DCLK1: variants seen among roughly 807,000 people sequenced by gnomAD.
The protein encoded by DCLK1 is doublecortin like kinase 1, also known as serine/threonine-protein kinase DCLK1.
DCLK1 carries 16 observed loss-of-function variants against 86.2 expected under a neutral mutation model. The observed-to-expected ratio is 0.19, with a 90% CI of 0.13 to 0.28. DCLK1 has a LOEUF of 0.28. Ranked by LOEUF, DCLK1 falls within the 10% of genes least tolerant of loss-of-function variation. The probability of loss-of-function intolerance (pLI) is 1.00; values close to 1 mark genes in which losing one functional copy is unlikely to be tolerated. For missense variants in DCLK1, 590 were observed against 940.2 expected, an observed-to-expected ratio of 0.63 and a Z score of 4.87; for synonymous variants, 369 against 370.5, an observed-to-expected ratio of 1.00 and a Z score of 0.05.
At chr13:35,986,842 G>A (rs979288821) in intron 3 of DCLK1, among the ~76,000 whole-genome samples, 12 of 152,070 alleles carry the variant, frequency 7.9e-5, no homozygotes, top group African/African-American at 2.4e-4. Flanking sequence ...GTGATGATGC[G>A]CGCAATGGGT....
intron 16 of DCLK1, among the ~76,000 whole-genome samples, chr13:35,780,659 T>C (rs2086509331): frequency 6.6e-6 from 1 of 152,140 alleles, no homozygotes; most frequent in African/African-American, 2.4e-5. Flanking sequence ...TATAGAGAAA[T>C]GGACTAATAT....
chr13:35,895,810 G>A (rs937910340), intron 4 of DCLK1, among the ~76,000 whole-genome samples: 1 of 151,300 alleles, frequency 6.6e-6, no homozygotes, highest in Non-Finnish European at 1.5e-5. Context: ...CGCTCTTTTA[G>A]TATAATGAAT....
At chr13:36,032,318 T>C (rs1399566449) in intron 3 of DCLK1, among the ~76,000 whole-genome samples, 2 of 152,034 alleles carry the variant, frequency 1.3e-5, no homozygotes, top group Non-Finnish European at 2.9e-5. Flanking sequence ...ATTTTTTGTA[T>C]TTTTAGTAGA....
At chr13:35,790,276 G>A (rs906339149) in intron 16 of DCLK1, among the ~76,000 whole-genome samples, 8 of 152,086 alleles carry the variant, frequency 5.3e-5, no homozygotes, top group Non-Finnish European at 8.8e-5. Context: ...AGAGGCTGCC[G>A]GTTATGACAG....
At chr13:36,071,520 T>C (rs1432520310) in intron 3 of DCLK1, among the ~76,000 whole-genome samples, 3 of 152,210 alleles carry the variant, frequency 2.0e-5, no homozygotes, top group African/African-American at 4.8e-5. Context: ...ACATTCTTTC[T>C]ACTATGCTAT....
intron 3 of DCLK1, among the ~76,000 whole-genome samples, chr13:35,961,478 T>C (rs2153137349): frequency 6.6e-6 from 1 of 152,340 alleles, no homozygotes; most frequent in Non-Finnish European, 1.5e-5. Flanking sequence ...CAAACTGCAA[T>C]CAACATTGAC....
intron 3 of DCLK1, among the ~76,000 whole-genome samples, chr13:36,019,346 C>T (rs1881671954): frequency 6.6e-6 from 1 of 152,136 alleles, no homozygotes; most frequent in South Asian, 2.1e-4. Context: ...AGCTTTGGAC[C>T]TTTCTACTGA....
intron 3 of DCLK1, among the ~76,000 whole-genome samples, chr13:36,000,257 T>A (rs10459360): frequency 0.035 from 5,356 of 152,244 alleles, 224 homozygotes; most frequent in East Asian, 0.22. Flanking sequence ...TGTCATTTTT[T>A]CCCCCTGTGA....
At chr13:35,884,538 A>G (rs1873113439) in intron 4 of DCLK1, among the ~76,000 whole-genome samples, 1 of 152,258 alleles carries the variant, frequency 6.6e-6, no homozygotes, top group Non-Finnish European at 1.5e-5. Context: ...AAGGGAACAA[A>G]AGGAACTAAC....
chr13:35,830,774 T>C (rs1270525668), intron 8 of DCLK1, among the ~76,000 whole-genome samples: 2 of 152,160 alleles, frequency 1.3e-5, no homozygotes, highest in South Asian at 4.1e-4. Flanking sequence ...TTTGTGAGAC[T>C]GAAAAATAAA....
intron 3 of DCLK1, among the ~76,000 whole-genome samples, chr13:36,030,859 T>C (rs1882241998): frequency 1.3e-5 from 2 of 152,100 alleles, no homozygotes; most frequent in South Asian, 2.1e-4. Context: ...CATTCACTCA[T>C]TGCTGTGCTC....
chr13:36,111,742 A>G (rs946100432), intron 3 of DCLK1, 127 bp downstream of exon 3: 2 of 733,334 alleles, frequency 2.7e-6, no homozygotes, highest in Non-Finnish European at 4.4e-6. Context: ...CAGCAAGTAC[A>G]TATTTGTTGA....
intron 3 of DCLK1, among the ~76,000 whole-genome samples, chr13:36,064,737 T>C (rs1374062554): frequency 1.3e-5 from 2 of 151,138 alleles, no homozygotes; most frequent in African/African-American, 2.4e-5. Flanking sequence ...ACAGGGTCTA[T>C]TGTACAAAAA....
intron 3 of DCLK1, among the ~76,000 whole-genome samples, chr13:36,100,925 A>G (rs569961409): frequency 7.9e-5 from 12 of 152,326 alleles, no homozygotes; most frequent in African/African-American, 2.9e-4. Context: ...CTAGAAAATT[A>G]TTATAGCTGG....
intron 3 of DCLK1, among the ~76,000 whole-genome samples, chr13:35,948,348 C>T (rs1877492708): frequency 2.0e-5 from 3 of 152,168 alleles, no homozygotes; most frequent in Non-Finnish European, 1.5e-5. Context: ...GTTGCAGGCA[C>T]CCATTCAGAG....
rs1260115024 is a variant in DCLK1 at position 35,827,669 on chromosome 13, G to A, written c.1373C>T (p.Pro458Leu). 1.9e-6 allele frequency: 3 copies of A among 1,613,964 alleles called. No individual in the cohort carries two copies. Among genetic ancestry groups the A allele is most frequent in the Admixed American group, 3.3e-5 (2 of 60,022 alleles). Residue 458 changes from proline to leucine, a missense_variant, in exon 10 of 17, where the codon CCA (proline) becomes CTA (leucine). Physicochemically the swap from Pro to Leu is moderately conservative, Grantham distance 98. Coordinates refer to ENST00000360631, the MANE Select transcript of DCLK1 (RefSeq NM_001330071.2). ...IVLLIEEMDV[P>L]TELYLVMELV... ...TTCCATGACAAGATACAGTTCAGTTGGCACATCCATCTCCTCAATCAGAAG... is the reference window on the plus strand; with the variant it reads ...TTCCATGACAAGATACAGTTCAGTTAGCACATCCATCTCCTCAATCAGAAG...
intron 4 of DCLK1, among the ~76,000 whole-genome samples, chr13:35,904,412 G>A (rs537572091): frequency 2.6e-4 from 40 of 152,234 alleles, no homozygotes; most frequent in Admixed American, 5.9e-4. Flanking sequence ...GGCTGGTCTC[G>A]AACTCCTCAC....
intron 3 of DCLK1, among the ~76,000 whole-genome samples, chr13:35,960,858 T>A (rs1159884738): frequency 6.6e-6 from 1 of 152,248 alleles, no homozygotes; most frequent in Non-Finnish European, 1.5e-5. Context: ...CTTTTTTTCT[T>A]CTACAAACTT....
chr13:36,097,470 T>A (rs1885059731), intron 3 of DCLK1, among the ~76,000 whole-genome samples: 1 of 152,236 alleles, frequency 6.6e-6, no homozygotes, highest in Admixed American at 6.5e-5. Flanking sequence ...GTACTGTATA[T>A]CTCTGTGATG....
Sources: allele counts gnomAD v4.1 joint callset (sites outside exome capture counted in the v4.1 genomes callset), GRCh38; gene constraint gnomAD v4.1.1; transcripts MANE v1.5; gene names NCBI Gene and HGNC (gene_info 2026-07-23, HGNC 2026-07-21).